Variants in TRIP12 observed in about 807,000 individuals in gnomAD.
TRIP12 encodes thyroid hormone receptor interactor 12.
In TRIP12, 25 loss-of-function variants were observed where a neutral mutation model predicts 244.2. The ratio of observed to expected loss-of-function variants is 0.10; its 90% CI spans 0.07 to 0.14. TRIP12 has a LOEUF of 0.14. Among genes scored for constraint, TRIP12 ranks in the 10% least tolerant of loss-of-function variants. The probability of loss-of-function intolerance (pLI) is 1.00; values close to 1 mark genes in which losing one functional copy is unlikely to be tolerated. For synonymous variants in TRIP12, 905 were observed against 873.1 expected (o/e 1.04, Z -0.64); for missense variants, 1,677 against 2,486.4 (o/e 0.67, Z 6.92).
intron 4 of TRIP12, among the ~76,000 whole-genome samples, chr2:229,846,014 C>CAAAA (rs34840494): frequency 1.1e-4 from 13 of 117,522 alleles, no homozygotes; most frequent in Non-Finnish European, 1.0e-4. Context: ...CTCTTTTTTT[C>CAAAA]AAAAAAAAAA....
chr2:229,804,948 C>G (rs763092112), intron 18 of TRIP12, among the ~76,000 whole-genome samples: 42 of 152,202 alleles, frequency 2.8e-4, no homozygotes, highest in Non-Finnish European at 5.4e-4. Flanking sequence ...CTCTGTCACC[C>G]AGGCTGGAGT....
chr2:229,833,365 G>C (rs2053941186), intron 6 of TRIP12, among the ~76,000 whole-genome samples: 1 of 152,136 alleles, frequency 6.6e-6, no homozygotes, highest in African/African-American at 2.4e-5. Flanking sequence ...ACAGCTCACT[G>C]CAACTTCCGC....
At chr2:229,885,194 T>C (rs1206911981) in intron 1 of TRIP12, among the ~76,000 whole-genome samples, 1 of 152,200 alleles carries the variant, frequency 6.6e-6, no homozygotes, top group Non-Finnish European at 1.5e-5. Flanking sequence ...TGTTGCTATG[T>C]TTGCAACAGG....
chr2:229,883,391 T>C (rs1030462999), intron 1 of TRIP12, among the ~76,000 whole-genome samples: 6 of 152,208 alleles, frequency 3.9e-5, no homozygotes, highest in African/African-American at 9.7e-5. Context: ...ATGTCTACCA[T>C]ATATTACTTA....
At chr2:229,895,767 G>C (rs1042606197) in intron 1 of TRIP12, among the ~76,000 whole-genome samples, 6 of 151,716 alleles carry the variant, frequency 4.0e-5, no homozygotes, top group Non-Finnish European at 7.4e-5. Flanking sequence ...TCTAGAACCA[G>C]TAAATGATAT....
chr2:229,777,823 T>G (rs2036776462), intron 36 of TRIP12, among the ~76,000 whole-genome samples: 1 of 152,238 alleles, frequency 6.6e-6, no homozygotes, highest in Non-Finnish European at 1.5e-5. Flanking sequence ...CTTGTCAATT[T>G]GGCCACAGGT....
At chr2:229,864,031 AGAGAGAGAGAGAGAGAGTGTGT>A (rs1353202061) in intron 2 of TRIP12, among the ~76,000 whole-genome samples, 1 of 140,868 alleles carries the variant, frequency 7.1e-6, no homozygotes, top group Admixed American at 6.9e-5. Flanking sequence ...AGAGAGAGAG[AGAGAGAGAGAGAGAGAGTGTGT>A]GTGTGTGTGT....
intron 1 of TRIP12, among the ~76,000 whole-genome samples, chr2:229,908,586 G>A (rs995725040): frequency 4.6e-5 from 7 of 151,838 alleles, no homozygotes; most frequent in Admixed American, 2.6e-4. Flanking sequence ...CAAAAAATTA[G>A]CCGGGCGTGG....
chr2:229,774,385 G>T, intron 37 of TRIP12, 124 bp from the exon 38 acceptor site: 2 of 945,590 alleles, frequency 2.1e-6, no homozygotes, highest in Non-Finnish European at 3.0e-6. Context: ...TCAACTCTTA[G>T]CCTCTTTATT....
chr2:229,891,364 G>A (rs1047292631), intron 1 of TRIP12, among the ~76,000 whole-genome samples: 1 of 152,270 alleles, frequency 6.6e-6, no homozygotes, highest in African/African-American at 2.4e-5. Context: ...AGTGAAGTCT[G>A]CAGTAAGCTG....
rs555166125 is a variant in TRIP12, at chr2:229,804,848, A to C, written c.2651-621T>G. Among the ~76,000 whole-genome samples the C allele has an allele frequency of 1.5e-3, 226 of 152,262 alleles. 1 individual carries two copies. Among genetic ancestry groups the C allele is most frequent in the African/African-American group, 5.1e-3 (213 of 41,550 alleles). ...ACAATGGCAATGGTGGTGAGTATAG[A>C]CTATATATAACCTGCAACACTTATA... On this transcript the variant is annotated intron_variant, in intron 18 of 41. Transcript: ENST00000675903.
At position 229,819,711 on chromosome 2, in the gene TRIP12, G is replaced by A. The variant is rs115652821; in HGVS notation, c.1451-1199C>T. Among the ~76,000 whole-genome samples, 286 of 151,942 alleles carry A rather than the reference G, an allele frequency of 1.9e-3. 1 individual carries two copies. The highest frequency in any genetic ancestry group is 6.8e-3 in the Middle Eastern group (2 of 294). ...CTTACACCTTTTCAAGTTATTCTTC[G>A]CAAATTGGACTTTTCCAGTCCTATA... On this transcript the variant is annotated intron_variant, in intron 8 of 41. Transcript: ENST00000675903.
At chr2:229,868,827 T>C (rs2062013374) in intron 2 of TRIP12, among the ~76,000 whole-genome samples, 1 of 152,220 alleles carries the variant, frequency 6.6e-6, no homozygotes, top group Admixed American at 6.5e-5. Context: ...AAATAACGTA[T>C]AAACATCCTA....
At chr2:229,777,537 C>A (rs1484688731) in intron 36 of TRIP12, 58 bp from the exon 37 acceptor site, 2 of 1,552,492 alleles carry the variant, frequency 1.3e-6, no homozygotes, top group Non-Finnish European at 1.8e-6. Context: ...GCATTACCTC[C>A]ATCTAAGGCA....
rs753797065 is a variant in TRIP12, at chr2:229,792,231, A to G, written c.4142-5T>C. 1 of 1,613,096 alleles carries G rather than the reference A, an allele frequency of 6.2e-7. No homozygotes were observed. The highest frequency in any genetic ancestry group is 1.1e-5 in the South Asian group (1 of 90,804). On this transcript the variant is annotated splice_polypyrimidine_tract_variant and splice_region_variant and intron_variant, in intron 27 of 41. Transcript: ENST00000675903. ...CTTCTCTTACTCTTCCATACCCTGA[A>G]GACCCAAGTAGACTTTTAAACTCTT...
intron 25 of TRIP12, among the ~76,000 whole-genome samples, chr2:229,795,953 G>A (rs553913394): frequency 6.6e-6 from 1 of 152,298 alleles, no homozygotes; most frequent in East Asian, 1.9e-4. Flanking sequence ...TAATACATAG[G>A]AGAGCTATGC....
At chr2:229,777,555 A>G in intron 36 of TRIP12, 76 bp from the exon 37 acceptor site, 1 of 1,455,394 alleles carries the variant, frequency 6.9e-7, no homozygotes. Context: ...GCACTTCAGG[A>G]GATCATTTAA....
rs753593704 is a variant in TRIP12, at chr2:229,798,965, T to C, written c.3392A>G (p.Gln1131Arg). ...NPKTWGRLST[Q>R]SNSNNIEPAR... ...TGGCTCAATGTTGTTGCTGTTGGAC[T>C]GTGTACTTAACCTTCCCCATGTTTT... The change falls in exon 23 of 42, where the codon CAG (glutamine) becomes CGG (arginine). Residue 1131 changes from glutamine (Q) to arginine (R), a missense_variant. By Grantham distance (43) the Gln-to-Arg change is conservative. Around this residue, in one of 11 missense-constraint regions of TRIP12, gnomAD observed 572 missense variants for 867.8 expected, o/e 0.66. Transcript: ENST00000675903. The C allele has an allele frequency of 6.2e-7, 1 of 1,614,224 alleles. No homozygotes were observed. The highest frequency in any genetic ancestry group is 1.1e-5 in the South Asian group (1 of 91,090).
At chr2:229,819,541 T>C (rs951436961) in intron 8 of TRIP12, among the ~76,000 whole-genome samples, 5 of 152,174 alleles carry the variant, frequency 3.3e-5, no homozygotes, top group Non-Finnish European at 7.3e-5. Flanking sequence ...TGAGACTTCA[T>C]CTCAAAATTA....
Sources: allele counts gnomAD v4.1 joint callset (sites outside exome capture counted in the v4.1 genomes callset), GRCh38; gene constraint gnomAD v4.1.1; regional missense constraint gnomAD v4.1.1; transcripts MANE v1.5; gene names NCBI Gene and HGNC (gene_info 2026-07-23, HGNC 2026-07-21).